Variants in CCDC152 observed in about 807,000 individuals in gnomAD.
CCDC152 encodes the protein coiled-coil domain containing 152.
In CCDC152, 37 loss-of-function variants were observed where a neutral mutation model predicts 38.1. The observed-to-expected ratio is 0.97, with a 90% CI of 0.75 to 1.28. CCDC152 has a LOEUF of 1.28. Among genes scored for constraint, CCDC152 ranks in the 50% most tolerant of loss-of-function variants. CCDC152 has a pLI of 0.00. For missense variants in CCDC152, 259 were observed against 292.1 expected (o/e 0.89, Z 0.83); for synonymous variants, 83 against 87.1 (o/e 0.95, Z 0.26).
chr5:42,800,692 A>G lies in CCDC152; in HGVS notation c.*911A>G. 1.9e-6 allele frequency: 3 copies of G among 1,555,188 alleles called. No homozygotes were observed. The highest frequency in any genetic ancestry group is 2.6e-6 in the Non-Finnish European group (3 of 1,150,620). On this transcript the variant is annotated 3_prime_UTR_variant, in exon 9 of 9. Coordinates refer to ENST00000361970, the MANE Select transcript of CCDC152 (RefSeq NM_001134848.2). ...GGAAATGAAATTGTGTCTAGACTAA[A>G]TTGGGGAGTATGTCCTATTTTAAAT...
At chr5:42,791,682 G>C (rs1446156372) in intron 6 of CCDC152, among the ~76,000 whole-genome samples, 1 of 152,102 alleles carries the variant, frequency 6.6e-6, no homozygotes, top group African/African-American at 2.4e-5. Flanking sequence ...TTTGGTCATT[G>C]CTTTCTTTAG....
rs1039006011 is a variant in CCDC152 at position 42,800,044 on chromosome 5, T to A, written c.*263T>A. On this transcript the variant is annotated 3_prime_UTR_variant, in exon 9 of 9. Transcript: ENST00000361970. ...CTATGGAAATACTTACTAAGCAATATAGAGACAGACAATATTATCTTTCCC... is the reference window on the plus strand; with the variant it reads ...CTATGGAAATACTTACTAAGCAATAAAGAGACAGACAATATTATCTTTCCC... The A allele has an allele frequency of 4.5e-5, 16 of 358,936 alleles. No homozygotes were observed. The highest frequency in any genetic ancestry group is 3.4e-4 in the African/African-American group (16 of 47,032). 22.2% of individuals were successfully genotyped at this position (358,936 alleles called of 1,614,324 possible).
chr5:42,783,582 T>G lies in CCDC152; in HGVS notation c.430+6T>G. ...TCAGGACATGCAGAGAAAAGGTAAG[T>G]TTAAAATAAACTTGCTTTTTTGTTA... On this transcript the variant is annotated splice_donor_region_variant and intron_variant, in intron 6 of 8. Coordinates refer to ENST00000361970, the MANE Select transcript of CCDC152 (RefSeq NM_001134848.2). 2 of 1,325,512 alleles carry G rather than the reference T, an allele frequency of 1.5e-6. No homozygotes were observed. The highest frequency in any genetic ancestry group is 1.5e-5 in the African/African-American group (1 of 65,322). The allele number at this position is 1,325,512 out of a possible 1,614,324, so 82.1% of individuals were successfully genotyped here.
At chr5:42,779,049 C>T (rs1561276068) in intron 4 of CCDC152, among the ~76,000 whole-genome samples, 2 of 152,076 alleles carry the variant, frequency 1.3e-5, no homozygotes, top group South Asian at 2.1e-4. Context: ...GTCTTCTGTG[C>T]GATTTTCTGC....
intron 3 of CCDC152, among the ~76,000 whole-genome samples, chr5:42,768,725 C>T (rs1185305907): frequency 2.0e-5 from 3 of 152,138 alleles, no homozygotes; most frequent in Admixed American, 2.0e-4. Context: ...CACAATTGTA[C>T]CACACATTGT....
intron 4 of CCDC152, among the ~76,000 whole-genome samples, chr5:42,772,041 C>T (rs1414256269): frequency 6.6e-6 from 1 of 152,028 alleles, no homozygotes; most frequent in Non-Finnish European, 1.5e-5. Context: ...ATTCAACAGC[C>T]CATTAAAAAG....
At chr5:42,758,355 C>A (rs75455481) in intron 1 of CCDC152, among the ~76,000 whole-genome samples, 1 of 152,126 alleles carries the variant, frequency 6.6e-6, no homozygotes, top group African/African-American at 2.4e-5. Flanking sequence ...GACTAGTTAC[C>A]GCTTTCACAC....
chr5:42,802,269 G>A lies in CCDC152; in HGVS notation c.*2488G>A, dbSNP rs766090267. 6.6e-6 allele frequency: 1 copy of A among 152,126 alleles called. No individual in the cohort carries two copies. The highest frequency in any genetic ancestry group is 1.5e-5 in the Non-Finnish European group (1 of 68,012). 9.4% of individuals were successfully genotyped at this position (152,126 alleles called of 1,614,324 possible). On this transcript the variant is annotated 3_prime_UTR_variant, in exon 9 of 9. Transcript: ENST00000361970. ...TGTTTTGTGGTACCTACTAATCAGA[G>A]ACTCAAAGCCTATAGATACAGAAAT...
chr5:42,762,499 T>A lies in CCDC152; in HGVS notation c.144T>A (p.Ser48Arg). Reference protein sequence around the residue: ...NNILDIQLEKSNCLLKVMQAK... With the variant: ...NNILDIQLEKRNCLLKVMQAK... ...TACTGGATATTCAGTTGGAAAAAAG[T>A]AATTGCCTATTAAAAGTAATGCAAG... is the stretch of plus-strand genomic sequence containing the variant. Residue 48 changes from serine to arginine, a missense_variant, in exon 3 of 9, where the codon AGT becomes AGA. By Grantham distance (110) the Ser-to-Arg change is moderately radical (BLOSUM62 -1). Coordinates refer to ENST00000361970, the MANE Select transcript of CCDC152 (RefSeq NM_001134848.2). 1 of 1,543,120 alleles carries A rather than the reference T, an allele frequency of 6.5e-7. No homozygotes were observed. Among genetic ancestry groups the A allele is most frequent in the Non-Finnish European group, 8.8e-7 (1 of 1,139,486 alleles).
intron 4 of CCDC152, among the ~76,000 whole-genome samples, chr5:42,774,520 T>G (rs887186470): frequency 6.6e-5 from 10 of 152,104 alleles, no homozygotes; most frequent in African/African-American, 2.4e-4. Flanking sequence ...GAGGAAAATA[T>G]CCTATTTCAG....
chr5:42,759,047 A>G (rs1317636640), intron 1 of CCDC152, 73 bp from the exon 2 acceptor site: 4 of 1,031,574 alleles, frequency 3.9e-6, no homozygotes, highest in Non-Finnish European at 5.6e-6. Flanking sequence ...TTAGTATTTG[A>G]GCTATGAACA....
At chr5:42,765,345 G>A (rs1344004925) in intron 3 of CCDC152, among the ~76,000 whole-genome samples, 1 of 152,100 alleles carries the variant, frequency 6.6e-6, no homozygotes, top group Middle Eastern at 3.4e-3. Flanking sequence ...CTACTCAAAG[G>A]AATCTACAGA....
chr5:42,798,138 G>A (rs1760102206), intron 7 of CCDC152, among the ~76,000 whole-genome samples: 1 of 151,852 alleles, frequency 6.6e-6, no homozygotes, highest in South Asian at 2.1e-4. Flanking sequence ...GCAACAGAAC[G>A]AAAAAAATAA....
rs572251779 is a variant in CCDC152, at chr5:42,777,600, C to T, written c.263-1858C>T. On this transcript the variant is annotated intron_variant, in intron 4 of 8. Transcript: ENST00000361970. ...ACACAATCTGACAAACTGAAACCAT[C>T]ATCAGAATTAAGATTTGTATTAAAT... Among the ~76,000 whole-genome samples, 8 of 152,256 alleles carry T rather than the reference C, an allele frequency of 5.3e-5. No individual in the cohort carries two copies. The South Asian group carries it at 1.2e-3, about 24-fold the overall frequency.
chr5:42,782,262 C>T (rs1759856586), intron 5 of CCDC152, among the ~76,000 whole-genome samples: 3 of 152,178 alleles, frequency 2.0e-5, no homozygotes, highest in African/African-American at 7.2e-5. Context: ...AGCTTGCTAG[C>T]TATTGAACAG....
intron 1 of CCDC152, among the ~76,000 whole-genome samples, chr5:42,758,874 T>C (rs1177627360): frequency 3.9e-5 from 6 of 152,138 alleles, no homozygotes; most frequent in Non-Finnish European, 8.8e-5. Context: ...TTGCATTAGG[T>C]TTTAATGCAG....
intron 4 of CCDC152, among the ~76,000 whole-genome samples, chr5:42,771,701 C>T (rs1462025107): frequency 6.6e-6 from 1 of 152,026 alleles, no homozygotes; most frequent in African/African-American, 2.4e-5. Flanking sequence ...GAATATACAA[C>T]CTGCCAAAAC....
At chr5:42,779,364 A>G in intron 4 of CCDC152, 94 bp from the exon 5 acceptor site, 1 of 727,358 alleles carries the variant, frequency 1.4e-6, no homozygotes, top group Non-Finnish European at 2.4e-6. Context: ...TGTTTGTTGA[A>G]TGCATACATA....
chr5:42,760,658 T>G (rs1759540709), intron 2 of CCDC152, among the ~76,000 whole-genome samples: 1 of 152,206 alleles, frequency 6.6e-6, no homozygotes, highest in South Asian at 2.1e-4. Flanking sequence ...CTGTTTTCTC[T>G]TCTTTTCTTG....
Sources: gnomAD v4.1 joint callset for allele counts (sites outside exome capture counted in the v4.1 genomes callset) on GRCh38, gnomAD v4.1.1 for gene constraint, MANE v1.5 for transcripts, NCBI Gene and HGNC (gene_info 2026-07-23, HGNC 2026-07-21) for gene names.